Variants in ITFG1 observed in about 807,000 individuals in gnomAD.
ITFG1 encodes the protein integrin alpha FG-GAP repeat containing 1.
A neutral mutation model predicts 81.8 loss-of-function variants in ITFG1; 34 were observed. That is an observed-to-expected ratio of 0.42 (90% CI 0.32 to 0.55). ITFG1 has a LOEUF of 0.55. ITFG1 is among the 20% of genes least tolerant of loss of function. ITFG1 has a pLI of 0.17. For missense variants in ITFG1, 672 were observed against 755.4 expected (o/e 0.89, Z 1.29); for synonymous variants, 285 against 270.6 (o/e 1.05, Z -0.52).
intron 14 of ITFG1, among the ~76,000 whole-genome samples, chr16:47,180,645 G>C (rs942322620): frequency 2.0e-5 from 3 of 152,174 alleles, no homozygotes; most frequent in Non-Finnish European, 4.4e-5. Flanking sequence ...TCGGCCTCCC[G>C]AGGTGCCGGG....
intron 10 of ITFG1, among the ~76,000 whole-genome samples, chr16:47,277,139 A>C (rs1966405954): frequency 6.6e-6 from 1 of 152,236 alleles, no homozygotes; most frequent in Non-Finnish European, 1.5e-5. Flanking sequence ...GTGGCAGCTT[A>C]TACACAATTA....
At chr16:47,453,488 A>G (rs11861183) in intron 3 of ITFG1, among the ~76,000 whole-genome samples, 3,410 of 152,320 alleles carry the variant, frequency 0.022, 126 homozygotes, top group African/African-American at 0.076. Context: ...AGCCTTGCCA[A>G]TCAGATACAC....
intron 6 of ITFG1, among the ~76,000 whole-genome samples, chr16:47,421,866 C>T (rs1968954759): frequency 6.6e-6 from 1 of 152,114 alleles, no homozygotes; most frequent in African/African-American, 2.4e-5. Flanking sequence ...GTGTGATGTT[C>T]CCCGCCCCCT....
intron 8 of ITFG1, among the ~76,000 whole-genome samples, chr16:47,318,554 G>A (rs763042140): frequency 1.3e-5 from 2 of 151,902 alleles, no homozygotes; most frequent in Non-Finnish European, 2.9e-5. Flanking sequence ...TATATTTTAC[G>A]CTCCATAGAA....
chr16:47,216,817 A>G (rs1652350977), intron 14 of ITFG1, among the ~76,000 whole-genome samples: 1 of 151,456 alleles, frequency 6.6e-6, no homozygotes, highest in African/African-American at 2.4e-5. Context: ...GACCGCCACC[A>G]CGTGCAGCTT....
intron 14 of ITFG1, among the ~76,000 whole-genome samples, chr16:47,182,916 C>G (rs186350462): frequency 6.6e-6 from 1 of 152,132 alleles, no homozygotes; most frequent in African/African-American, 2.4e-5. Flanking sequence ...GTGCGCACAC[C>G]GTGCGCGAGC....
At chr16:47,305,288 C>T (rs1967140096) in intron 10 of ITFG1, among the ~76,000 whole-genome samples, 1 of 152,138 alleles carries the variant, frequency 6.6e-6, no homozygotes, top group South Asian at 2.1e-4. Flanking sequence ...GTTGCTTTCA[C>T]AGTGGTGACT....
chr16:47,294,592 C>T (rs532724756), intron 10 of ITFG1, among the ~76,000 whole-genome samples: 1 of 151,960 alleles, frequency 6.6e-6, no homozygotes, highest in Non-Finnish European at 1.5e-5. Flanking sequence ...AAATATATTC[C>T]TAAGTATTTT....
intron 8 of ITFG1, among the ~76,000 whole-genome samples, chr16:47,361,060 G>A (rs1316410032): frequency 1.3e-5 from 2 of 151,990 alleles, no homozygotes; most frequent in Admixed American, 1.3e-4. Context: ...TAACTTTCAC[G>A]AATGACAGTT....
intron 6 of ITFG1, among the ~76,000 whole-genome samples, chr16:47,411,469 C>G (rs913652795): frequency 6.6e-5 from 10 of 152,118 alleles, no homozygotes; most frequent in Admixed American, 3.3e-4. Context: ...AGTGACAAAA[C>G]CTTGGGCTGT....
At chr16:47,221,848 C>T (rs1022662267) in intron 13 of ITFG1, among the ~76,000 whole-genome samples, 7 of 152,146 alleles carry the variant, frequency 4.6e-5, no homozygotes, top group African/African-American at 7.2e-5. Context: ...TCCATTTCTT[C>T]TAGATTTTCT....
chr16:47,411,293 C>T (rs1366105259), intron 6 of ITFG1, among the ~76,000 whole-genome samples: 1 of 152,186 alleles, frequency 6.6e-6, no homozygotes, highest in African/African-American at 2.4e-5. Flanking sequence ...ATGCCAGCCA[C>T]AGCCTGTGAC....
At chr16:47,347,448 T>A (rs1269221965) in intron 8 of ITFG1, among the ~76,000 whole-genome samples, 1 of 152,262 alleles carries the variant, frequency 6.6e-6, no homozygotes, top group African/African-American at 2.4e-5. Flanking sequence ...TGCTCATTGC[T>A]AGCGCAGCAG....
intron 5 of ITFG1, 24 bp downstream of exon 5, chr16:47,451,372 A>G (rs771251423): frequency 8.1e-7 from 1 of 1,238,946 alleles, no homozygotes; most frequent in Non-Finnish European, 1.2e-6. Flanking sequence ...GATTAATTAC[A>G]TAGTTATAAC....
chr16:47,409,396 A>G (rs1197848614), intron 6 of ITFG1, among the ~76,000 whole-genome samples: 12 of 15,120 alleles, frequency 7.9e-4, no homozygotes, highest in African/African-American at 3.8e-3. Context: ...ATATATATAT[A>G]TATATATATT....
intron 10 of ITFG1, among the ~76,000 whole-genome samples, chr16:47,264,235 T>C (rs1966246687): frequency 6.6e-6 from 1 of 152,120 alleles, no homozygotes; most frequent in Non-Finnish European, 1.5e-5. Context: ...TGTAAATACA[T>C]ATAACCTTAA....
intron 10 of ITFG1, among the ~76,000 whole-genome samples, chr16:47,302,399 T>A (rs2151560200): frequency 6.6e-6 from 1 of 152,100 alleles, no homozygotes; most frequent in African/African-American, 2.4e-5. Context: ...TTTTTAGCAA[T>A]GTTAATGACT....
At chr16:47,426,637 A>T (rs573048804) in intron 6 of ITFG1, among the ~76,000 whole-genome samples, 1 of 151,698 alleles carries the variant, frequency 6.6e-6, no homozygotes, top group Non-Finnish European at 1.5e-5. Flanking sequence ...ATTCATAAAA[A>T]ATTTACTAGA....
intron 13 of ITFG1, among the ~76,000 whole-genome samples, chr16:47,231,909 A>G (rs1016836764): frequency 1.3e-5 from 2 of 152,230 alleles, no homozygotes; most frequent in African/African-American, 4.8e-5. Flanking sequence ...AGTATCTTGC[A>G]ATATCCAGGT....
Sources: allele counts gnomAD v4.1 joint callset (sites outside exome capture counted in the v4.1 genomes callset), GRCh38; gene constraint gnomAD v4.1.1; transcripts MANE v1.5; gene names NCBI Gene and HGNC (gene_info 2026-07-23, HGNC 2026-07-21).